The following ATG4A variants were observed in gnomAD, a reference collection of about 807,000 sequenced individuals.
ATG4A encodes the protein autophagy related 4A cysteine peptidase, also known as cysteine protease ATG4A.
Under a neutral mutation model 38.4 loss-of-function variants are expected in ATG4A, and 22 were observed. That is an observed-to-expected ratio of 0.57 (90% confidence interval 0.41 to 0.82). ATG4A has a LOEUF of 0.82. ATG4A is among the 40% of genes least tolerant of loss of function. The pLI is 0.00. For synonymous variants in ATG4A, 86 were observed against 100.7 expected (o/e 0.85, Z 0.88); for missense variants, 220 against 290.0 (o/e 0.76, Z 1.75).
At chrX:108,113,116 A>G (rs749607885) in intron 1 of ATG4A, among the ~76,000 whole-genome samples, 69 of 110,678 alleles carry the variant, frequency 6.2e-4, no homozygotes, top group African/African-American at 2.2e-3. Flanking sequence ...ATCTACAATC[A>G]TGTTCTAGTT....
chrX:108,099,615 A>T (rs1271724936), intron 1 of ATG4A, among the ~76,000 whole-genome samples: 1 of 111,948 alleles, frequency 8.9e-6, no homozygotes, highest in African/African-American at 3.2e-5. Context: ...TCTTCTGAAA[A>T]TGTTATAGTT....
In ATG4A at chrX:108,134,336, C is replaced by T. The variant is rs2033041697; in HGVS notation, c.395-3C>T. The T allele has an allele frequency of 1.7e-6, 2 of 1,205,331 alleles. No individual in the cohort carries two copies. The highest frequency in any genetic ancestry group is 3.5e-5 in the African/African-American group (2 of 57,101). Reference sequence around the variant, plus strand: ...ATGTTATTTTTTTCCACATTAAAAACAGCACAAATGGGTGTAGGAGAAGGG... The same window carrying T: ...ATGTTATTTTTTTCCACATTAAAAATAGCACAAATGGGTGTAGGAGAAGGG... On this transcript the variant is annotated splice_region_variant and splice_polypyrimidine_tract_variant and intron_variant, in intron 5 of 12. Transcript: ENST00000372232.
intron 11 of ATG4A, 74 bp downstream of exon 11, chrX:108,151,932 T>C (rs760105580): frequency 6.4e-5 from 63 of 980,123 alleles, no homozygotes; most frequent in Non-Finnish European, 8.7e-5. Flanking sequence ...TTGTTTTTCA[T>C]AGTAAAAAAA....
intron 1 of ATG4A, among the ~76,000 whole-genome samples, chrX:108,119,578 T>C (rs2032597929): frequency 8.9e-6 from 1 of 111,878 alleles, no homozygotes; most frequent in Non-Finnish European, 1.9e-5. Context: ...CACCACCCAC[T>C]GATAAATTAG....
At chrX:108,123,549 A>G (rs2032714393) in intron 1 of ATG4A, among the ~76,000 whole-genome samples, 1 of 111,636 alleles carries the variant, frequency 9.0e-6, no homozygotes, top group Non-Finnish European at 1.9e-5. Flanking sequence ...TGCTTCTGTT[A>G]ATTTCATTTT....
chrX:108,131,288 T>C lies in ATG4A; in HGVS notation c.222T>C (p.Gly74=), dbSNP rs750971085. Residue 74 remains glycine (G), a synonymous_variant, in exon 4 of 13, where the codon GGT becomes GGC. Coordinates refer to ENST00000372232, the MANE Select transcript of ATG4A (RefSeq NM_052936.5). Reference sequence around the variant, plus strand: ...GAACGGGCCCTTCATCAGATGCTGGTTGGGGATGTATGCTACGCTGTGGAC... The same window carrying C: ...GAACGGGCCCTTCATCAGATGCTGGCTGGGGATGTATGCTACGCTGTGGAC... ...IGGTGPSSDA[G]WGCMLRCGQM... is the part of the protein sequence containing the mutation. 2.5e-6 allele frequency: 3 copies of C among 1,211,464 alleles called. No individual in the cohort carries two copies. In the South Asian group the frequency reaches 5.3e-5, roughly 21 times the overall value.
At chrX:108,121,679 G>C (rs2032653641) in intron 1 of ATG4A, among the ~76,000 whole-genome samples, 1 of 111,420 alleles carries the variant, frequency 9.0e-6, no homozygotes. Context: ...ATTAATTACT[G>C]TATTTATTTC....
intron 8 of ATG4A, 58 bp from the exon 9 acceptor site, chrX:108,138,055 G>C: frequency 8.4e-7 from 1 of 1,197,027 alleles, no homozygotes; most frequent in South Asian, 1.8e-5. Context: ...TCAGCACAGA[G>C]ATCCGTGAGC....
At chrX:108,129,161 T>C (rs769526642) in intron 3 of ATG4A, among the ~76,000 whole-genome samples, 2 of 112,877 alleles carry the variant, frequency 1.8e-5, no homozygotes, top group South Asian at 7.3e-4. Context: ...TTTTAATTTG[T>C]ATAATATCTG....
upstream of ATG4A, chrX:108,091,731 C>A: frequency 1.8e-6 from 2 of 1,118,888 alleles, no homozygotes; most frequent in Admixed American, 2.2e-5. Flanking sequence ...CAGACTTGGC[C>A]CCTAGCAGTG....
At chrX:108,152,070 C>A in intron 11 of ATG4A, 1 of 339,269 alleles carries the variant, frequency 2.9e-6, no homozygotes, top group South Asian at 8.0e-5. Context: ...ATATGCTTAG[C>A]ATGTCAAGGG....
chrX:108,091,431 T>C (rs2031615546), upstream of ATG4A: 1 of 1,211,103 alleles, frequency 8.3e-7, no homozygotes, highest in African/African-American at 1.7e-5. Context: ...TAGCCAGGGA[T>C]TTATCGGCCA....
At chrX:108,129,569 CTTTTTTTTT>C (rs764613277) in intron 3 of ATG4A, among the ~76,000 whole-genome samples, 1 of 96,190 alleles carries the variant, frequency 1.0e-5, no homozygotes, top group African/African-American at 3.7e-5. Context: ...TCTTTTCTTT[CTTTTTTTTT>C]TTTTTTTTTT....
chrX:108,100,542 C>T (rs2147959704), intron 1 of ATG4A, among the ~76,000 whole-genome samples: 1 of 111,134 alleles, frequency 9.0e-6, no homozygotes, highest in Admixed American at 9.5e-5. Context: ...AGTCTTTCAG[C>T]ATCAACTATA....
chrX:108,100,090 C>T (rs1441920782), intron 1 of ATG4A, among the ~76,000 whole-genome samples: 2 of 111,564 alleles, frequency 1.8e-5, no homozygotes, highest in African/African-American at 3.2e-5. Context: ...TCCATGAGCA[C>T]CATATGTCTC....
At chrX:108,129,409 C>T (rs1337112914) in intron 3 of ATG4A, among the ~76,000 whole-genome samples, 1 of 111,205 alleles carries the variant, frequency 9.0e-6, no homozygotes, top group African/African-American at 3.3e-5. Flanking sequence ...AAAGGATATA[C>T]AACACATTTG....
intron 1 of ATG4A, among the ~76,000 whole-genome samples, chrX:108,096,694 A>G (rs1001306406): frequency 4.6e-5 from 5 of 109,133 alleles, no homozygotes; most frequent in Non-Finnish European, 9.5e-5. Context: ...ATTGTATGTT[A>G]TGTTATGTTA....
intron 1 of ATG4A, among the ~76,000 whole-genome samples, chrX:108,112,020 G>A (rs945420390): frequency 3.6e-5 from 4 of 110,432 alleles, no homozygotes; most frequent in Non-Finnish European, 7.6e-5. Flanking sequence ...TGTCTTGTGG[G>A]CACATACTAG....
intron 6 of ATG4A, among the ~76,000 whole-genome samples, chrX:108,134,816 A>T (rs1200772243): frequency 8.9e-6 from 1 of 111,897 alleles, no homozygotes; most frequent in African/African-American, 3.3e-5. Context: ...CATAATATTT[A>T]AAAACCCTGT....
Sources: allele counts gnomAD v4.1 joint callset (sites outside exome capture counted in the v4.1 genomes callset), GRCh38; gene constraint gnomAD v4.1.1; transcripts MANE v1.5; gene names NCBI Gene and HGNC (gene_info 2026-07-23, HGNC 2026-07-21).